STAU2: variants seen among roughly 807,000 people sequenced by gnomAD.
The protein encoded by STAU2 is staufen double-stranded RNA binding protein 2.
A neutral mutation model predicts 65.9 loss-of-function variants in STAU2; 20 were observed. The observed-to-expected ratio is 0.30, with a 90% CI of 0.21 to 0.44. STAU2 has a LOEUF of 0.44. Among genes scored for constraint, STAU2 ranks in the 20% least tolerant of loss-of-function variants. The pLI is 1.00. For missense variants in STAU2, 558 were observed against 683.9 expected (o/e 0.82, Z 2.05); for synonymous variants, 232 against 233.9 (o/e 0.99, Z 0.07).
chr8:73,570,221 T>A (rs943537652), intron 12 of STAU2, among the ~76,000 whole-genome samples: 3 of 152,126 alleles, frequency 2.0e-5, no homozygotes, highest in African/African-American at 7.2e-5. Context: ...TATCAGTGAT[T>A]AAAGATTAAA....
At chr8:73,605,164 T>C (rs148099326) in intron 9 of STAU2, among the ~76,000 whole-genome samples, 10 of 149,660 alleles carry the variant, frequency 6.7e-5, no homozygotes, top group African/African-American at 2.3e-4. Flanking sequence ...ATAATATATA[T>C]ATAGTATATT....
intron 13 of STAU2, among the ~76,000 whole-genome samples, chr8:73,502,722 C>T (rs77698591): frequency 0.04 from 6,111 of 151,984 alleles, 399 homozygotes; most frequent in African/African-American, 0.14. Context: ...AAGCATTTTG[C>T]TTATATATCT....
intron 13 of STAU2, among the ~76,000 whole-genome samples, chr8:73,488,187 C>G (rs1821008661): frequency 6.6e-6 from 1 of 151,886 alleles, no homozygotes; most frequent in African/African-American, 2.4e-5. Flanking sequence ...TTTTAATTAC[C>G]TTAACTTGTA....
chr8:73,545,301 G>C (rs1448396387), intron 13 of STAU2, among the ~76,000 whole-genome samples: 1 of 151,838 alleles, frequency 6.6e-6, no homozygotes, highest in Non-Finnish European at 1.5e-5. Flanking sequence ...TCTGTCTGTT[G>C]TCCAGGTTGT....
Position 73,660,918 on chromosome 8 carries a change from A to C in STAU2, c.410+12189T>G, listed in dbSNP as rs549227282. Among the ~76,000 whole-genome samples the C allele has an allele frequency of 4.6e-5, 7 of 152,340 alleles. No individual in the cohort carries two copies. The East Asian group carries it at 1.3e-3, about 29-fold the overall frequency. On this transcript the variant is annotated intron_variant, in intron 6 of 14. Coordinates refer to ENST00000524300, the MANE Select transcript of STAU2 (RefSeq NM_001164380.2). ...CAGCCTGATTTAATTTTTTTAATTA[A>C]GCAGATGTAAATTCTTTTAAATCTC...
intron 11 of STAU2, 150 bp downstream of exon 11, chr8:73,595,016 A>T: frequency 1.8e-6 from 1 of 543,812 alleles, no homozygotes; most frequent in Non-Finnish European, 3.1e-6. Context: ...ATCTTACTCC[A>T]TATGTTATTT....
intron 6 of STAU2, among the ~76,000 whole-genome samples, chr8:73,643,159 C>G (rs1276013312): frequency 6.6e-6 from 1 of 152,182 alleles, no homozygotes; most frequent in East Asian, 1.9e-4. Flanking sequence ...ATGGCAGTAA[C>G]CTCTATCCAC....
chr8:73,534,635 C>T (rs964972534), intron 13 of STAU2, among the ~76,000 whole-genome samples: 1 of 152,128 alleles, frequency 6.6e-6, no homozygotes, highest in African/African-American at 2.4e-5. Context: ...AACACATCCA[C>T]TCATAATGTA....
chr8:73,631,309 C>T (rs553005273), intron 6 of STAU2, among the ~76,000 whole-genome samples: 2 of 151,350 alleles, frequency 1.3e-5, no homozygotes, highest in Admixed American at 1.3e-4. Flanking sequence ...AGCTCAGCAT[C>T]AAATGTACCC....
intron 11 of STAU2, among the ~76,000 whole-genome samples, chr8:73,589,605 C>T (rs931038804): frequency 6.6e-6 from 1 of 152,058 alleles, no homozygotes; most frequent in African/African-American, 2.4e-5. Context: ...ATTAATAATG[C>T]ATTAATTCAG....
intron 13 of STAU2, among the ~76,000 whole-genome samples, chr8:73,536,863 A>G (rs1165245881): frequency 6.6e-6 from 1 of 152,226 alleles, no homozygotes; most frequent in Non-Finnish European, 1.5e-5. Flanking sequence ...TTTTAGGAAC[A>G]TAGTACTCAA....
At chr8:73,709,750 C>T (rs968216833) in intron 3 of STAU2, among the ~76,000 whole-genome samples, 10 of 151,756 alleles carry the variant, frequency 6.6e-5, no homozygotes, top group African/African-American at 2.2e-4. Context: ...GTACCTAACA[C>T]CCAGTGCTTA....
intron 13 of STAU2, among the ~76,000 whole-genome samples, chr8:73,518,840 C>A (rs117826022): frequency 6.6e-6 from 1 of 151,696 alleles, no homozygotes; most frequent in South Asian, 2.1e-4. Context: ...TTGTGTAAAA[C>A]GAAAATTGTA....
chr8:73,590,930 G>GA (rs1810727427), intron 11 of STAU2: 1 of 151,860 alleles, frequency 6.6e-6, no homozygotes, highest in Non-Finnish European at 1.5e-5. Context: ...AACCTGCAAA[G>GA]AAAAAAAATG....
intron 13 of STAU2, among the ~76,000 whole-genome samples, chr8:73,546,148 G>T (rs35015293): frequency 0.68 from 78,613 of 116,146 alleles, 26,522 homozygotes; most frequent in Non-Finnish European, 0.77. Context: ...TTTTTTTTTG[G>T]TAGAGACAGA....
intron 6 of STAU2, among the ~76,000 whole-genome samples, chr8:73,625,118 A>C (rs1813540192): frequency 6.6e-6 from 1 of 152,240 alleles, no homozygotes; most frequent in Non-Finnish European, 1.5e-5. Flanking sequence ...TCTGGTGGGA[A>C]TGTAAAATGG....
intron 13 of STAU2, among the ~76,000 whole-genome samples, chr8:73,513,590 T>C (rs1306801724): frequency 6.6e-6 from 1 of 152,098 alleles, no homozygotes; most frequent in East Asian, 1.9e-4. Flanking sequence ...CTGCTTGTGT[T>C]TGAAGTGTTT....
intron 3 of STAU2, among the ~76,000 whole-genome samples, chr8:73,715,404 C>T (rs141007276): frequency 0.011 from 1,644 of 145,300 alleles, 20 homozygotes; most frequent in African/African-American, 0.035. Flanking sequence ...TGCAGTGAAC[C>T]GAGATGGCAC....
At chr8:73,461,018 A>C (rs1819324238) in intron 13 of STAU2, among the ~76,000 whole-genome samples, 1 of 152,136 alleles carries the variant, frequency 6.6e-6, no homozygotes, top group Non-Finnish European at 1.5e-5. Flanking sequence ...GAGTTCACCC[A>C]ACATACATTG....
Sources: allele counts gnomAD v4.1 joint callset (sites outside exome capture counted in the v4.1 genomes callset), GRCh38; gene constraint gnomAD v4.1.1; transcripts MANE v1.5; gene names NCBI Gene and HGNC (gene_info 2026-07-23, HGNC 2026-07-21).